Variants in STK32B observed in about 807,000 individuals in gnomAD.
STK32B encodes the protein serine/threonine-protein kinase 32B.
Under a neutral mutation model 52.6 loss-of-function variants are expected in STK32B, and 43 were observed. That is an observed-to-expected ratio of 0.82 (90% CI 0.64 to 1.05). The LOEUF is 1.05. Ranked by LOEUF, STK32B falls within the 50% of genes least tolerant of loss-of-function variation. STK32B has a pLI of 0.00. For synonymous variants in STK32B, 238 were observed against 204.3 expected (o/e 1.17, Z -1.41); for missense variants, 621 against 534.6 (o/e 1.16, Z -1.59).
chr4:5,489,810 A>C (rs1719557694), intron 11 of STK32B, among the ~76,000 whole-genome samples: 1 of 152,162 alleles, frequency 6.6e-6, no homozygotes, highest in South Asian at 2.1e-4. Flanking sequence ...TGTATATTTT[A>C]TATGAGTGCT....
chr4:5,482,593 G>T (rs776022898), intron 11 of STK32B, among the ~76,000 whole-genome samples: 1 of 152,090 alleles, frequency 6.6e-6, no homozygotes. Flanking sequence ...TATCCTGCCT[G>T]ATTGCCCTGG....
At chr4:5,437,323 A>G (rs1274870165) in intron 6 of STK32B, among the ~76,000 whole-genome samples, 3 of 152,250 alleles carry the variant, frequency 2.0e-5, no homozygotes, top group Admixed American at 6.5e-5. Context: ...TCAAGGGGCC[A>G]GCAGGGCCAT....
chr4:5,312,799 C>T (rs1053227586), intron 3 of STK32B, among the ~76,000 whole-genome samples: 4 of 151,874 alleles, frequency 2.6e-5, no homozygotes, highest in Non-Finnish European at 4.4e-5. Context: ...TGGGTATATA[C>T]CCAGTAATGG....
chr4:5,132,144 T>C (rs1715815752), intron 1 of STK32B, among the ~76,000 whole-genome samples: 1 of 152,248 alleles, frequency 6.6e-6, no homozygotes, highest in Non-Finnish European at 1.5e-5. Context: ...TTGGTGTATA[T>C]GTACCATATT....
chr4:5,291,160 G>A (rs187094971), intron 3 of STK32B, among the ~76,000 whole-genome samples: 3 of 151,982 alleles, frequency 2.0e-5, no homozygotes, highest in Non-Finnish European at 4.4e-5. Flanking sequence ...TGTATCTCTT[G>A]CATGTCCATA....
At position 5,424,551 on chromosome 4, in the gene STK32B, A is replaced by G. The variant is rs116379605; in HGVS notation, c.562+7617A>G. On this transcript the variant is annotated intron_variant, in intron 6 of 11. Transcript: ENST00000282908. ...GAAAACCTGCCTGCGGAGAGGAGCT[A>G]CCTGCTGTGGGTCTCCACCCAGCTG... Among the ~76,000 whole-genome samples the G allele has an allele frequency of 7.3e-3, 1,113 of 152,336 alleles. 10 individuals carry two copies. The highest frequency in any genetic ancestry group is 0.026 in the African/African-American group (1,068 of 41,578).
chr4:5,174,169 T>C (rs1327778254), intron 3 of STK32B, among the ~76,000 whole-genome samples: 1 of 152,190 alleles, frequency 6.6e-6, no homozygotes, highest in Non-Finnish European at 1.5e-5. Flanking sequence ...TCTTCCTCCA[T>C]CTTTCTATTT....
intron 3 of STK32B, among the ~76,000 whole-genome samples, chr4:5,268,716 A>G (rs72613191): frequency 0.069 from 10,474 of 152,078 alleles, 432 homozygotes; most frequent in East Asian, 0.12. Flanking sequence ...GCACCTGCAC[A>G]TGCCACGGTT....
At chr4:5,410,658 C>T (rs114326508) in intron 5 of STK32B, among the ~76,000 whole-genome samples, 347 of 152,198 alleles carry the variant, frequency 2.3e-3, no homozygotes, top group Non-Finnish European at 3.3e-3. Flanking sequence ...ATAAACACCA[C>T]GTGGGGTTAT....
intron 9 of STK32B, among the ~76,000 whole-genome samples, chr4:5,461,929 C>T (rs1717059890): frequency 2.0e-5 from 3 of 152,202 alleles, no homozygotes; most frequent in Admixed American, 6.5e-5. Context: ...TCAGACACCC[C>T]TCGGACTGCT....
chr4:5,176,560 C>G (rs1387305395), intron 3 of STK32B, among the ~76,000 whole-genome samples: 1 of 151,226 alleles, frequency 6.6e-6, no homozygotes, highest in Non-Finnish European at 1.5e-5. Context: ...TCTCCTTCCT[C>G]AAACTCCCAA....
At chr4:5,033,015 G>A in the STK32B span, among the ~76,000 whole-genome samples, 1,895 of 152,234 alleles carry the variant, frequency 0.012, 38 homozygotes, top group African/African-American at 0.043. Context: ...GGATTAAATG[G>A]TCAATATTTC....
At chr4:5,325,284 C>T (rs1321436937) in intron 3 of STK32B, among the ~76,000 whole-genome samples, 2 of 151,958 alleles carry the variant, frequency 1.3e-5, no homozygotes, top group Non-Finnish European at 2.9e-5. Flanking sequence ...AAATTTCCCA[C>T]TGATTTCAGT....
At chr4:5,369,794 A>G (rs566648010) in intron 4 of STK32B, among the ~76,000 whole-genome samples, 2 of 152,344 alleles carry the variant, frequency 1.3e-5, no homozygotes, top group South Asian at 4.1e-4. Context: ...GATTTCAATC[A>G]TGATCCTATT....
At chr4:5,215,150 A>G (rs1723111240) in intron 3 of STK32B, among the ~76,000 whole-genome samples, 1 of 152,208 alleles carries the variant, frequency 6.6e-6, no homozygotes, top group Non-Finnish European at 1.5e-5. Context: ...AATGACATAA[A>G]AATATGTAGA....
chr4:5,324,183 G>A (rs763889052), intron 3 of STK32B, among the ~76,000 whole-genome samples: 15 of 152,162 alleles, frequency 9.9e-5, no homozygotes, highest in Admixed American at 3.3e-4. Context: ...ATGAAACCTT[G>A]TCACTTTTAA....
chr4:5,404,695 G>T (rs114957240), intron 5 of STK32B, among the ~76,000 whole-genome samples: 2 of 150,700 alleles, frequency 1.3e-5, no homozygotes, highest in Admixed American at 6.6e-5. Context: ...TACCCTCCTC[G>T]CTCCGGGCCC....
intron 6 of STK32B, among the ~76,000 whole-genome samples, chr4:5,444,156 T>C (rs897589443): frequency 1.3e-5 from 2 of 151,876 alleles, no homozygotes; most frequent in African/African-American, 4.9e-5. Flanking sequence ...GCTGCTTTGT[T>C]TACCTAATCA....
intron 6 of STK32B, 132 bp downstream of exon 6, chr4:5,417,066 C>G (rs560143856): frequency 2.7e-6 from 2 of 752,788 alleles, no homozygotes; most frequent in South Asian, 3.9e-5. Context: ...CCACAGTTCC[C>G]AGTAGATACA....
Sources: allele counts gnomAD v4.1 joint callset (sites outside exome capture counted in the v4.1 genomes callset), GRCh38; gene constraint gnomAD v4.1.1; transcripts MANE v1.5; gene names NCBI Gene and HGNC (gene_info 2026-07-23, HGNC 2026-07-21).